FSD1L: variants seen among roughly 807,000 people sequenced by gnomAD.
FSD1L encodes fibronectin type III and SPRY domain containing 1 like, also known as FSD1-like protein.
A neutral mutation model predicts 71.6 loss-of-function variants in FSD1L; 45 were observed. The ratio of observed to expected loss-of-function variants is 0.63; its 90% CI spans 0.49 to 0.81. The LOEUF is 0.81. FSD1L is among the 30% of genes least tolerant of loss of function. FSD1L has a pLI of 0.00. For synonymous variants in FSD1L, 197 were observed against 207.2 expected, an observed-to-expected ratio of 0.95 and a Z score of 0.42; for missense variants, 561 against 618.1, an observed-to-expected ratio of 0.91 and a Z score of 0.98.
In FSD1L at chr9:105,505,324, G is replaced by A. The variant is rs570721804; in HGVS notation, c.587-1075G>A. Among the ~76,000 whole-genome samples, 28 of 152,242 alleles carry A rather than the reference G, an allele frequency of 1.8e-4. No individual in the cohort carries two copies. The South Asian group carries it at 4.4e-3, about 24-fold the overall frequency. ...TGCCCAGGCTGGAGTGTAGTGGCACGATCTCGGCTCACTGCAATCTCTGCC... is the reference window on the plus strand; with the variant it reads ...TGCCCAGGCTGGAGTGTAGTGGCACAATCTCGGCTCACTGCAATCTCTGCC... On this transcript the variant is annotated intron_variant, in intron 7 of 13. Transcript: ENST00000481272.
In FSD1L at chr9:105,467,332, T is replaced by C. The variant is rs114019490; in HGVS notation, c.208-861T>C. Among the ~76,000 whole-genome samples, 684 of 152,352 alleles carry C rather than the reference T, an allele frequency of 4.5e-3. 4 individuals carry two copies. The highest frequency in any genetic ancestry group is 0.016 in the African/African-American group (656 of 41,584). On this transcript the variant is annotated intron_variant, in intron 3 of 13. Transcript: ENST00000481272. ...GTCAGTGCCAGTTCGCTTCTCTTAA[T>C]TGAATGATTCATCCAAGTTGAAAAA...
intron 7 of FSD1L, among the ~76,000 whole-genome samples, chr9:105,490,811 G>C (rs1489733549): frequency 8.3e-6 from 1 of 120,092 alleles, no homozygotes; most frequent in Non-Finnish European, 1.7e-5. Flanking sequence ...AGATCAGATA[G>C]TTGTAGATAT....
chr9:105,473,305 C>CAAACA (rs374889696), intron 5 of FSD1L: 4 of 152,320 alleles, frequency 2.6e-5, no homozygotes, highest in Admixed American at 1.3e-4. Flanking sequence ...GACCCTATCT[C>CAAACA]AAACAAAACA....
At position 105,479,364 on chromosome 9, in the gene FSD1L, A is replaced by G. The variant is rs1208409098; in HGVS notation, c.452A>G (p.Gln151Arg). ...EPEEFSKAAR[Q>R]IKDRVTMASA... The stretch of plus-strand genomic sequence containing the variant: ...CTGATTGGCTCCAAGGCTGCCAGAC[A>G]GATCAAGGATAGGTATGGTATAAAA... Residue 151 changes from glutamine to arginine, a missense_variant, in exon 6 of 14, where the codon CAG becomes CGG. Gln to Arg is a conservative substitution (Grantham distance 43, BLOSUM62 1). This residue lies in a region of FSD1L where 410 missense variants were observed against 413.5 expected (regional missense o/e 0.99). Transcript: ENST00000481272. 1.3e-6 allele frequency: 2 copies of G among 1,550,696 alleles called. No homozygotes were observed.
rs1032481217 is a variant in FSD1L, at chr9:105,551,014, G to A, written c.*4531G>A. 2 of 151,962 alleles carry A rather than the reference G, an allele frequency of 1.3e-5. No homozygotes were observed. The highest frequency in any genetic ancestry group is 6.6e-5 in the Admixed American group (1 of 15,248). The allele number at this position is 151,962 out of a possible 1,614,324, so 9.4% of individuals were successfully genotyped here. On this transcript the variant is annotated 3_prime_UTR_variant, in exon 14 of 14. Coordinates refer to ENST00000481272, the MANE Select transcript of FSD1L (RefSeq NM_001145313.3). ...TTGGAGCTTATTAAGTTTTGACTAC[G>A]GTTAAAATAAGTCAAATAGTAAGTG...
chr9:105,495,310 C>T (rs868414509), intron 7 of FSD1L, among the ~76,000 whole-genome samples: 4 of 152,144 alleles, frequency 2.6e-5, no homozygotes, highest in African/African-American at 7.2e-5. Context: ...GAGCCAGGTG[C>T]GGGATATAAT....
chr9:105,522,621 C>A, intron 10 of FSD1L: 2 of 1,612,768 alleles, frequency 1.2e-6, no homozygotes, highest in Non-Finnish European at 1.7e-6. Context: ...GAATGAGGAG[C>A]AGCCATTGCC....
intron 1 of FSD1L, among the ~76,000 whole-genome samples, chr9:105,454,736 G>T (rs1291051875): frequency 6.6e-6 from 1 of 152,142 alleles, no homozygotes. Flanking sequence ...TCCTAGATGG[G>T]AGATTACCTC....
rs958166919 is a variant in FSD1L, at chr9:105,524,011, C to T, written c.1026-10482C>T. The T allele has an allele frequency of 6.8e-5, 109 of 1,598,818 alleles. No homozygotes were observed. In the African/African-American group the frequency reaches 9.8e-4, roughly 14 times the overall value. ...CCCAACTTATATTGTGAACTGCCTT[C>T]TCTTCATCCCAACATTCCTGATGTT... is the stretch of plus-strand genomic sequence containing the variant. On this transcript the variant is annotated intron_variant, in intron 10 of 13. Transcript: ENST00000481272.
At chr9:105,536,796 C>G (rs1054866690) in intron 12 of FSD1L, among the ~76,000 whole-genome samples, 43 of 152,054 alleles carry the variant, frequency 2.8e-4, no homozygotes, top group African/African-American at 1.0e-3. Context: ...GCCACCACGC[C>G]TGGCTAATTT....
intron 1 of FSD1L, among the ~76,000 whole-genome samples, chr9:105,450,080 A>G (rs1296068088): frequency 6.6e-6 from 1 of 152,248 alleles, no homozygotes; most frequent in Non-Finnish European, 1.5e-5. Context: ...TCCGGGATTA[A>G]TGTGTATAAC....
intron 6 of FSD1L, among the ~76,000 whole-genome samples, chr9:105,479,807 C>CCCT (rs1168959508): frequency 6.6e-6 from 1 of 152,194 alleles, no homozygotes; most frequent in Non-Finnish European, 1.5e-5. Context: ...TATTTCACTG[C>CCCT]CCTCCTGTTT....
At chr9:105,449,504 C>T (rs896036520) in intron 1 of FSD1L, among the ~76,000 whole-genome samples, 7 of 152,112 alleles carry the variant, frequency 4.6e-5, no homozygotes, top group Admixed American at 1.3e-4. Flanking sequence ...GAGCAAAGTC[C>T]GGAGACATGG....
intron 7 of FSD1L, among the ~76,000 whole-genome samples, chr9:105,495,060 G>A (rs1398678364): frequency 3.0e-4 from 46 of 152,336 alleles, no homozygotes. Context: ...AGTCTGCAGA[G>A]GTTACTGCTG....
intron 13 of FSD1L, among the ~76,000 whole-genome samples, chr9:105,543,323 G>T (rs766948096): frequency 1.6e-4 from 24 of 152,064 alleles, no homozygotes; most frequent in Non-Finnish European, 1.2e-4. Flanking sequence ...TAGTGTCAAT[G>T]ATCTGTATTT....
chr9:105,544,485 A>G (rs997616599), intron 13 of FSD1L, among the ~76,000 whole-genome samples: 11 of 152,086 alleles, frequency 7.2e-5, no homozygotes, highest in African/African-American at 2.7e-4. Context: ...GGTGTTTCAG[A>G]CATGAAGTCC....
intron 2 of FSD1L, among the ~76,000 whole-genome samples, chr9:105,462,791 CAT>C (rs1830795754): frequency 6.8e-6 from 1 of 145,996 alleles, no homozygotes; most frequent in African/African-American, 2.5e-5. Context: ...CCATAGCGCA[CAT>C]GTGTGGTGGC....
chr9:105,461,227 T>A (rs1221495583), intron 1 of FSD1L, among the ~76,000 whole-genome samples: 1 of 152,170 alleles, frequency 6.6e-6, no homozygotes, highest in African/African-American at 2.4e-5. Flanking sequence ...GACATAGACC[T>A]CTTAAGTCTG....
chr9:105,496,927 C>A (rs1040154284), intron 7 of FSD1L, among the ~76,000 whole-genome samples: 2 of 152,188 alleles, frequency 1.3e-5, no homozygotes, highest in Non-Finnish European at 2.9e-5. Context: ...AGAGGGGGAT[C>A]CTTGCCTTGT....
Sources: gnomAD v4.1 joint callset for allele counts (sites outside exome capture counted in the v4.1 genomes callset) on GRCh38, gnomAD v4.1.1 for gene constraint, gnomAD v4.1.1 regional missense constraint, MANE v1.5 for transcripts, NCBI Gene and HGNC (gene_info 2026-07-23, HGNC 2026-07-21) for gene names.